TENM2: variants seen among roughly 807,000 people sequenced by gnomAD.
TENM2 encodes the protein teneurin-2.
Under a neutral mutation model 245.2 loss-of-function variants are expected in TENM2, and 52 were observed. The observed-to-expected ratio is 0.21, with a 90% CI of 0.17 to 0.27. The LOEUF (loss-of-function observed/expected upper bound fraction) is 0.27, where lower values mean the gene tolerates loss of function less well. Ranked by LOEUF, TENM2 falls within the 10% of genes least tolerant of loss-of-function variation. TENM2 has a pLI of 1.00. For synonymous variants in TENM2, 1,363 were observed against 1,438.9 expected (o/e 0.95, Z 1.19); for missense variants, 3,046 against 3,666.8 (o/e 0.83, Z 4.37).
the TENM2 span, among the ~76,000 whole-genome samples, chr5:167,268,667 G>T: frequency 6.6e-6 from 1 of 152,014 alleles, no homozygotes; most frequent in Admixed American, 6.6e-5. Flanking sequence ...GGCTGTTTTT[G>T]TAAATAAAGT....
chr5:167,549,396 A>G (rs1035124532), intron 2 of TENM2, among the ~76,000 whole-genome samples: 13 of 152,258 alleles, frequency 8.5e-5, no homozygotes, highest in Non-Finnish European at 1.8e-4. Context: ...ATTAAGTTTG[A>G]TTAAATATCT....
chr5:168,016,889 G>T lies in TENM2; in HGVS notation c.1186+23707G>T, dbSNP rs577019073. Reference sequence around the variant, plus strand: ...CATTGCAAAGATTATATTAGATGTTGTATGCACAGCTTTTTGCAAAGTGCA... The same window carrying T: ...CATTGCAAAGATTATATTAGATGTTTTATGCACAGCTTTTTGCAAAGTGCA... On this transcript the variant is annotated intron_variant, in intron 5 of 28. Coordinates refer to ENST00000518659, the Ensembl canonical transcript of TENM2. Among the ~76,000 whole-genome samples the T allele has an allele frequency of 1.6e-4, 25 of 152,340 alleles. No homozygotes were observed. The South Asian group carries it at 5.2e-3, about 32-fold the overall frequency.
At chr5:167,241,023 A>G in the TENM2 span, among the ~76,000 whole-genome samples, 2 of 152,200 alleles carry the variant, frequency 1.3e-5, no homozygotes, top group Non-Finnish European at 2.9e-5. Flanking sequence ...TTCCCAAAAT[A>G]GATCACCACC....
chr5:168,208,316 A>G (rs1434053179), intron 19 of TENM2, among the ~76,000 whole-genome samples: 1 of 152,208 alleles, frequency 6.6e-6, no homozygotes, highest in Non-Finnish European at 1.5e-5. Context: ...TATGATATTA[A>G]ACATGCTTTT....
intron 5 of TENM2, among the ~76,000 whole-genome samples, chr5:168,025,135 G>A (rs976860214): frequency 5.3e-5 from 8 of 152,072 alleles, no homozygotes; most frequent in Admixed American, 4.6e-4. Context: ...TTACCACTTG[G>A]GACTCACATG....
intron 3 of TENM2, among the ~76,000 whole-genome samples, chr5:167,936,151 T>C (rs1472733957): frequency 2.0e-5 from 3 of 152,122 alleles, no homozygotes; most frequent in African/African-American, 4.8e-5. Context: ...GTTGGGAAGG[T>C]CTGTAATTTG....
the TENM2 span, among the ~76,000 whole-genome samples, chr5:167,242,696 G>A: frequency 6.6e-6 from 1 of 152,076 alleles, no homozygotes; most frequent in African/African-American, 2.4e-5. Context: ...TTTATTGTAA[G>A]AATACAGTAT....
intron 6 of TENM2, among the ~76,000 whole-genome samples, chr5:168,054,349 G>A (rs1393228964): frequency 6.6e-6 from 1 of 152,184 alleles, no homozygotes; most frequent in African/African-American, 2.4e-5. Flanking sequence ...GTCAATCTAA[G>A]GTCCTTGGAA....
At chr5:167,465,351 G>C (rs573723099) in intron 2 of TENM2, among the ~76,000 whole-genome samples, 1 of 152,084 alleles carries the variant, frequency 6.6e-6, no homozygotes, top group Non-Finnish European at 1.5e-5. Flanking sequence ...ACACTCTCTC[G>C]AAGTCACCTT....
intron 7 of TENM2, among the ~76,000 whole-genome samples, chr5:168,071,383 A>G (rs1434938768): frequency 2.0e-5 from 3 of 152,184 alleles, no homozygotes; most frequent in Admixed American, 6.5e-5. Flanking sequence ...TTCTCATTAT[A>G]AAGTAAGACA....
intron 2 of TENM2, among the ~76,000 whole-genome samples, chr5:167,453,342 A>C (rs1765721602): frequency 6.6e-6 from 1 of 152,160 alleles, no homozygotes; most frequent in East Asian, 1.9e-4. Flanking sequence ...ATCTTCCACC[A>C]ATCTGTCATC....
chr5:167,323,718 A>G (rs1756913357), intron 1 of TENM2, among the ~76,000 whole-genome samples: 2 of 152,228 alleles, frequency 1.3e-5, no homozygotes, highest in African/African-American at 4.8e-5. Context: ...AAATATAAGT[A>G]GAACTCCTGG....
At chr5:167,796,461 G>C (rs1162056659) in intron 2 of TENM2, among the ~76,000 whole-genome samples, 1 of 152,052 alleles carries the variant, frequency 6.6e-6, no homozygotes, top group Non-Finnish European at 1.5e-5. Context: ...TCTTCCTTCT[G>C]TACCTTCATG....
intron 2 of TENM2, among the ~76,000 whole-genome samples, chr5:167,742,687 G>A (rs1761266087): frequency 6.6e-6 from 1 of 151,624 alleles, no homozygotes; most frequent in Admixed American, 6.6e-5. Context: ...TGGATCATTA[G>A]AATATAAGAT....
At chr5:167,965,713 A>G (rs754658599) in intron 4 of TENM2, 5 of 152,198 alleles carry the variant, frequency 3.3e-5, no homozygotes, top group Non-Finnish European at 5.9e-5. Flanking sequence ...ACAGGATCCC[A>G]TTTAATCCCT....
chr5:168,125,106 C>CTGAGAATGGGATGGAA, intron 11 of TENM2, 56 bp downstream of exon 13: 3 of 1,464,756 alleles, frequency 2.0e-6, no homozygotes, highest in Non-Finnish European at 2.8e-6. Context: ...TGTGTTCCAT[C>CTGAGAATGGGATGGAA]CCATTCTCAG....
At position 168,212,878 on chromosome 5, in the gene TENM2, G is replaced by A. The variant is rs147609969; in HGVS notation, c.3845+1124G>A. On this transcript the variant is annotated intron_variant, in intron 20 of 28. Transcript: ENST00000518659. ...TTGGTGAAAACAGGTATGAGACCAT[G>A]GAGAAGAATGGTCTCCCTAAGCAAG... 1.7e-3 allele frequency among the ~76,000 whole-genome samples: 253 copies of A among 152,302 alleles called. 2 individuals carry two copies. Among genetic ancestry groups the A allele is most frequent in the Non-Finnish European group, 2.3e-3 (158 of 68,020 alleles).
chr5:167,267,039 A>C, the TENM2 span, among the ~76,000 whole-genome samples: 5 of 152,276 alleles, frequency 3.3e-5, no homozygotes, highest in African/African-American at 1.2e-4. Flanking sequence ...ACTTTAAAAA[A>C]TCCTACTGTT....
At chr5:167,651,621 G>T (rs1169179961) in intron 2 of TENM2, among the ~76,000 whole-genome samples, 1 of 152,064 alleles carries the variant, frequency 6.6e-6, no homozygotes, top group Non-Finnish European at 1.5e-5. Flanking sequence ...GTTAACTTAA[G>T]ATCTTGTTAA....
Sources: allele counts gnomAD v4.1 joint callset (sites outside exome capture counted in the v4.1 genomes callset), GRCh38; gene constraint gnomAD v4.1.1; transcripts MANE v1.5; gene names NCBI Gene and HGNC (gene_info 2026-07-23, HGNC 2026-07-21).